Variants in CABP2 observed in about 807,000 individuals in gnomAD.
CABP2 encodes calcium binding protein 2, also known as calcium-binding protein 2.
In CABP2, 25 loss-of-function variants were observed where a neutral mutation model predicts 28.6. That is an observed-to-expected ratio of 0.87 (90% CI 0.64 to 1.22). The LOEUF is 1.22. Ranked by LOEUF, CABP2 falls within the 50% of genes most tolerant of loss-of-function variation. The pLI is 0.00. For synonymous variants in CABP2, 138 were observed against 126.0 expected (o/e 1.09, Z -0.64); for missense variants, 310 against 312.2 (o/e 0.99, Z 0.05).
chr11:67,523,445 C>T lies in CABP2; in HGVS notation c.-119G>A. ...TGCTCCCGATGAGAGCCTGGGAGTA[C>T]TGCCGGGGATTTTCCTGGGGTTTTG... On this transcript the variant is annotated 5_prime_UTR_variant, in exon 1 of 7. Transcript: ENST00000294288. 8.8e-7 allele frequency: 1 copy of T among 1,140,104 alleles called. No individual in the cohort carries two copies. The highest frequency in any genetic ancestry group is 2.0e-5 in the South Asian group (1 of 50,952). The allele number at this position is 1,140,104 out of a possible 1,614,324, so 70.6% of individuals were successfully genotyped here. A position where few individuals can be genotyped will look rare whatever the true frequency, so the allele number is the denominator to read the frequency against.
chr11:67,522,568 G>T lies in CABP2; in HGVS notation c.191C>A (p.Pro64His), dbSNP rs1866762871. 1 of 1,556,106 alleles carries T rather than the reference G, an allele frequency of 6.4e-7. No individual in the cohort carries two copies. The highest frequency in any genetic ancestry group is 1.9e-5 in the Admixed American group (1 of 51,400). The change falls in exon 2 of 7, where the codon CCC (proline) becomes CAC (histidine). Residue 64 changes from proline to histidine, a missense_variant. By Grantham distance (77) the Pro-to-His change is moderately conservative (BLOSUM62 -2). Transcript: ENST00000294288. ...TACGAGTTGGGTGGCGGCAATGCTG[G>T]GCCGCAGGAAGATGCAGGCAGGCCC... ...LVGPACIFLR[P>H]SIAATQLDRE...
intron 4 of CABP2, 145 bp from the exon 5 acceptor site, chr11:67,520,305 T>A: frequency 3.3e-6 from 2 of 613,288 alleles, no homozygotes; most frequent in Non-Finnish European, 2.9e-6. Flanking sequence ...TATTTCCCAA[T>A]GGGAATCGCC....
rs2134364250 is a variant in CABP2, at chr11:67,523,403, T to G, written c.-77A>C. ...TCGGCGGATGCTGCTGCCTGAGGACTCCTGCCAGCCCCCAGCTGCTCCCGA... is the reference window on the plus strand; with the variant it reads ...TCGGCGGATGCTGCTGCCTGAGGACGCCTGCCAGCCCCCAGCTGCTCCCGA... On this transcript the variant is annotated 5_prime_UTR_variant, in exon 1 of 7. Transcript: ENST00000294288. 2 of 1,356,984 alleles carry G rather than the reference T, an allele frequency of 1.5e-6. No homozygotes were observed. The highest frequency in any genetic ancestry group is 7.5e-5 in the East Asian group (2 of 26,652). The allele number at this position is 1,356,984 out of a possible 1,614,324, so 84.1% of individuals were successfully genotyped here.
chr11:67,519,811 C>A lies in CABP2; in HGVS notation c.619G>T (p.Gly207Cys), dbSNP rs376902077. 11 of 1,613,896 alleles carry A rather than the reference C, an allele frequency of 6.8e-6. No homozygotes were observed. The Admixed American group carries it at 1.8e-4, about 27-fold the overall frequency. The change falls in exon 6 of 7, where the codon GGT (glycine) becomes TGT (cysteine). Residue 207 changes from glycine (G) to cysteine (C), a missense_variant. Physicochemically the swap from Gly to Cys is radical, Grantham distance 159 (BLOSUM62 -3). Transcript: ENST00000294288. ...ILQDVDLNGD[G>C]LVDFEEFVRM... ...GGGGTACCTTCGAAGTCGACCAGAC[C>A]GTCCCCATTGAGGTCCACGTCCTGG...
At chr11:67,521,376 G>A (rs1415671613) in intron 3 of CABP2, among the ~76,000 whole-genome samples, 1 of 152,182 alleles carries the variant, frequency 6.6e-6, no homozygotes, top group Non-Finnish European at 1.5e-5. Flanking sequence ...AGGCACTGGG[G>A]ATACAGCAGT....
chr11:67,523,250 C>T (rs1352749003), intron 1 of CABP2, 35 bp downstream of exon 1: 2 of 1,509,730 alleles, frequency 1.3e-6, no homozygotes, highest in East Asian at 2.4e-5. Flanking sequence ...CCATTCCAGC[C>T]TCCTGGCCTG....
At chr11:67,520,715 T>G (rs755597892) in intron 4 of CABP2, among the ~76,000 whole-genome samples, 4 of 152,172 alleles carry the variant, frequency 2.6e-5, no homozygotes, top group Non-Finnish European at 5.9e-5. Context: ...CTTGGAACTT[T>G]CCTTAATTTT....
At chr11:67,521,659 G>A (rs1866749083) in intron 3 of CABP2, among the ~76,000 whole-genome samples, 1 of 152,192 alleles carries the variant, frequency 6.6e-6, no homozygotes, top group African/African-American at 2.4e-5. Flanking sequence ...GCCAGGGCCA[G>A]GCACACAGTG....
chr11:67,522,924 G>A (rs1232570515), intron 1 of CABP2, among the ~76,000 whole-genome samples: 1 of 152,272 alleles, frequency 6.6e-6, no homozygotes, highest in Non-Finnish European at 1.5e-5. Context: ...GGCAAACTGA[G>A]GACCAGAAAA....
chr11:67,519,651 G>A, intron 6 of CABP2, 142 bp downstream of exon 6: 5 of 797,172 alleles, frequency 6.3e-6, no homozygotes, highest in Non-Finnish European at 1.0e-5. Flanking sequence ...CCTTCCTCTC[G>A]GATTCTCCAT....
At chr11:67,523,250 C>G in intron 1 of CABP2, 35 bp downstream of exon 1, 1 of 1,509,730 alleles carries the variant, frequency 6.6e-7, no homozygotes, top group Non-Finnish European at 9.0e-7. Flanking sequence ...CCATTCCAGC[C>G]TCCTGGCCTG....
At chr11:67,521,589 C>T (rs544894124) in intron 3 of CABP2, among the ~76,000 whole-genome samples, 30 of 152,296 alleles carry the variant, frequency 2.0e-4, no homozygotes, top group African/African-American at 7.0e-4. Context: ...GACTAATTGA[C>T]GTTGGTCTCC....
chr11:67,519,948 G>C lies in CABP2; in HGVS notation c.490-8C>G. The C allele has an allele frequency of 6.2e-7, 1 of 1,603,474 alleles. No individual in the cohort carries two copies. Among genetic ancestry groups the C allele is most frequent in the Non-Finnish European group, 8.5e-7 (1 of 1,176,720 alleles). ...GTCCCCATTGGTGTCGAACTGTGGC[G>C]GCGTTGGTTGTGGCGTCTGGTCACT... is the stretch of plus-strand genomic sequence containing the variant. On this transcript the variant is annotated splice_polypyrimidine_tract_variant and splice_region_variant and intron_variant, in intron 5 of 6. Coordinates refer to ENST00000294288, the MANE Select transcript of CABP2 (RefSeq NM_016366.3).
chr11:67,522,627 G>A lies in CABP2; in HGVS notation c.132C>T (p.Gly44=), dbSNP rs1866764472. The A allele has an allele frequency of 3.9e-6, 6 of 1,548,296 alleles. No individual in the cohort carries two copies. Among genetic ancestry groups the A allele is most frequent in the East Asian group, 2.4e-5 (1 of 40,850 alleles). ...SPKEQGDPAP[G]VQGYSVLNSL... ...TGTTGAGCACCGAGTAGCCCTGGAC[G>A]CCTGGCGCGGGGTCCCCCTGCTCCT... The change falls in exon 2 of 7, where the codon GGC becomes GGT. Residue 44 remains glycine (G), a synonymous_variant. Transcript: ENST00000294288.
In CABP2 at chr11:67,522,574, A is replaced by C. The variant is rs1177425693; in HGVS notation, c.185T>G (p.Leu62Arg). The C allele has an allele frequency of 4.5e-6, 7 of 1,556,000 alleles. No individual in the cohort carries two copies. The East Asian group carries it at 1.7e-4, about 38-fold the overall frequency. ...TTGGGTGGCGGCAATGCTGGGCCGC[A>C]GGAAGATGCAGGCAGGCCCCACCAG... The part of the protein sequence containing the change: ...NSLVGPACIF[L>R]RPSIAATQLD... Residue 62 changes from leucine to arginine, a missense_variant, in exon 2 of 7, where the codon CTG (leucine) becomes CGG (arginine). Physicochemically the swap from Leu to Arg is moderately radical, Grantham distance 102 (BLOSUM62 -2). Transcript: ENST00000294288.
At chr11:67,520,185 C>G (rs771762987) in intron 4 of CABP2, 25 bp from the exon 5 acceptor site, 3 of 1,533,024 alleles carry the variant, frequency 2.0e-6, no homozygotes, top group Middle Eastern at 3.4e-4. Flanking sequence ...CATTACAGAC[C>G]CAGGGCATCA....
At chr11:67,519,738 T>C (rs2097442644) in intron 6 of CABP2, 55 bp downstream of exon 6, 2 of 1,584,830 alleles carry the variant, frequency 1.3e-6, no homozygotes, top group Non-Finnish European at 1.7e-6. Context: ...CTGTGCGGTT[T>C]CTTATCTGCT....
chr11:67,519,706 T>C, intron 6 of CABP2, 87 bp downstream of exon 6: 3 of 1,316,852 alleles, frequency 2.3e-6, no homozygotes, highest in Non-Finnish European at 2.2e-6. Context: ...GCACAGGGTC[T>C]GGTGCCCAGT....
rs760234562 is a variant in CABP2, at chr11:67,522,616, T to G, written c.143A>C (p.Tyr48Ser). ...CCCCACCAGGCTGTTGAGCACCGAG[T>G]AGCCCTGGACGCCTGGCGCGGGGTC... ...QGDPAPGVQG[Y>S]SVLNSLVGPA... is the part of the protein sequence containing the mutation. Residue 48 changes from tyrosine (Y) to serine (S), a missense_variant, in exon 2 of 7, where the codon TAC (tyrosine) becomes TCC (serine). Coordinates refer to ENST00000294288, the MANE Select transcript of CABP2 (RefSeq NM_016366.3). 348 of 1,549,960 alleles carry G rather than the reference T, an allele frequency of 2.2e-4. No homozygotes were observed. The highest frequency in any genetic ancestry group is 2.9e-4 in the Non-Finnish European group (338 of 1,147,092).
Sources: gnomAD v4.1 joint callset for allele counts (sites outside exome capture counted in the v4.1 genomes callset) on GRCh38, gnomAD v4.1.1 for gene constraint, MANE v1.5 for transcripts, NCBI Gene and HGNC (gene_info 2026-07-23, HGNC 2026-07-21) for gene names.